Variants in AFF3 observed in about 807,000 individuals in gnomAD.
The protein encoded by AFF3 is ALF transcription elongation factor 3.
Under a neutral mutation model 129.7 loss-of-function variants are expected in AFF3, and 32 were observed. The observed-to-expected ratio is 0.25, with a 90% CI of 0.19 to 0.33. The LOEUF (loss-of-function observed/expected upper bound fraction) is 0.33. Among genes scored for constraint, AFF3 ranks in the 10% least tolerant of loss-of-function variants. The pLI, the probability that AFF3 is intolerant of heterozygous loss-of-function variation, is 1.00. For synonymous variants in AFF3, 644 were observed against 635.4 expected (o/e 1.01, Z -0.20); for missense variants, 1,373 against 1,592.0 (o/e 0.86, Z 2.34).
At chr2:99,623,729 C>T (rs899114152) in intron 13 of AFF3, among the ~76,000 whole-genome samples, 2 of 152,188 alleles carry the variant, frequency 1.3e-5, no homozygotes, top group African/African-American at 4.8e-5. Context: ...GGGCAAAACG[C>T]GGGTGCCATG....
At chr2:99,677,720 G>A (rs751067586) in intron 11 of AFF3, among the ~76,000 whole-genome samples, 9 of 152,174 alleles carry the variant, frequency 5.9e-5, no homozygotes, top group Non-Finnish European at 8.8e-5. Context: ...GCAGTTTGCC[G>A]AGCACTACCC....
intron 13 of AFF3, among the ~76,000 whole-genome samples, chr2:99,609,390 T>C (rs1005850245): frequency 6.6e-6 from 1 of 152,094 alleles, no homozygotes; most frequent in African/African-American, 2.4e-5. Flanking sequence ...CCCTCCCACC[T>C]TTCCCCCAAA....
At position 99,699,373 on chromosome 2, in the gene AFF3, G is replaced by C. The variant is rs567457918; in HGVS notation, c.1092-26784C>G. 4.6e-5 allele frequency among the ~76,000 whole-genome samples: 7 copies of C among 152,142 alleles called. No homozygotes were observed. The East Asian group carries it at 1.4e-3, about 29-fold the overall frequency. On this transcript the variant is annotated intron_variant, in intron 11 of 24. Transcript: ENST00000672756. ...GCAGGACATGAAAATGTAAGAAGAG[G>C]GACCATGCGGTTCACCTAAATGACA...
At chr2:99,811,653 C>A (rs1422972705) in intron 8 of AFF3, among the ~76,000 whole-genome samples, 3 of 152,168 alleles carry the variant, frequency 2.0e-5, no homozygotes, top group African/African-American at 7.2e-5. Flanking sequence ...AGCTGAGGCA[C>A]CAGATTCTCC....
chr2:100,120,058 G>A (rs1691891713), intron 2 of AFF3, among the ~76,000 whole-genome samples: 1 of 152,170 alleles, frequency 6.6e-6, no homozygotes, highest in Admixed American at 6.5e-5. Flanking sequence ...GCAGCAAAGG[G>A]ATATCATCTA....
chr2:99,765,622 T>C (rs1268814893), intron 8 of AFF3, among the ~76,000 whole-genome samples: 1 of 152,240 alleles, frequency 6.6e-6, no homozygotes, highest in East Asian at 1.9e-4. Flanking sequence ...CCTAGCGTAA[T>C]AGCTGGCACA....
At chr2:99,573,583 G>A (rs548941676) in intron 18 of AFF3, among the ~76,000 whole-genome samples, 14 of 152,246 alleles carry the variant, frequency 9.2e-5, no homozygotes, top group South Asian at 8.3e-4. Context: ...TACAATATGC[G>A]AGTATTCCCA....
At chr2:100,065,328 A>C (rs1238879683) in intron 4 of AFF3, among the ~76,000 whole-genome samples, 1 of 152,224 alleles carries the variant, frequency 6.6e-6, no homozygotes, top group Non-Finnish European at 1.5e-5. Context: ...CAATGAAATA[A>C]GGGTTAACAT....
intron 11 of AFF3, among the ~76,000 whole-genome samples, chr2:99,678,054 T>C (rs567192978): frequency 5.9e-5 from 9 of 152,346 alleles, no homozygotes; most frequent in African/African-American, 2.2e-4. Context: ...CCACAGAAGG[T>C]GTACTGTCTC....
rs747049708 is a variant in AFF3 at position 99,578,418 on chromosome 2, G to A, written c.2827C>T (p.Leu943Phe). Reference sequence around the variant, plus strand: ...TTCGTCTGCGGCCGTGACTTGTGGAGGGGAATGTTTTCAGAATTGTTGTGA... The same window carrying A: ...TTCGTCTGCGGCCGTGACTTGTGGAAGGGAATGTTTTCAGAATTGTTGTGA... ...AAHNNSENIP[L>F]HKSRPQTKPW... Residue 943 changes from leucine to phenylalanine, a missense_variant, in exon 18 of 25, where the codon CTC becomes TTC. Physicochemically the swap from Leu to Phe is conservative, Grantham distance 22. Around this residue, in one of 9 missense-constraint regions of AFF3, gnomAD observed 466 missense variants for 505.0 expected, o/e 0.92. Transcript: ENST00000672756. The A allele has an allele frequency of 5.1e-5, 82 of 1,611,376 alleles. No individual in the cohort carries two copies. Among genetic ancestry groups the A allele is most frequent in the Non-Finnish European group, 6.5e-5 (77 of 1,179,110 alleles).
intron 8 of AFF3, among the ~76,000 whole-genome samples, chr2:99,802,854 T>C (rs546942649): frequency 2.5e-4 from 38 of 152,236 alleles, no homozygotes; most frequent in African/African-American, 9.1e-4. Context: ...TAGAGGTCTT[T>C]TGGTGGAGTC....
intron 13 of AFF3, among the ~76,000 whole-genome samples, chr2:99,646,544 A>G (rs1024984126): frequency 5.9e-5 from 9 of 152,204 alleles, no homozygotes; most frequent in African/African-American, 2.2e-4. Flanking sequence ...TGTGTAAATG[A>G]ATGTATAATA....
chr2:99,654,068 C>T lies in AFF3; in HGVS notation c.1144-4402G>A, dbSNP rs562520220. On this transcript the variant is annotated intron_variant, in intron 12 of 24. Coordinates refer to ENST00000672756, the MANE Select transcript of AFF3 (RefSeq NM_001386135.1). ...CTAATTTTTTTGTATTTAGTAGAGACGGGGTTTCACTGTGTTAGTCAGGCT... is the reference window on the plus strand; with the variant it reads ...CTAATTTTTTTGTATTTAGTAGAGATGGGGTTTCACTGTGTTAGTCAGGCT... Among the ~76,000 whole-genome samples the T allele has an allele frequency of 5.5e-4, 84 of 152,134 alleles. 1 individual carries two copies. The highest frequency in any genetic ancestry group is 6.8e-3 in the Middle Eastern group (2 of 294).
chr2:99,657,583 C>A (rs6749801), intron 12 of AFF3, among the ~76,000 whole-genome samples: 12,547 of 152,228 alleles, frequency 0.082, 1,697 homozygotes, highest in African/African-American at 0.28. Flanking sequence ...TTGCCACGAT[C>A]TCCAATCTAA....
intron 11 of AFF3, among the ~76,000 whole-genome samples, chr2:99,691,825 G>A: frequency 6.6e-6 from 1 of 152,154 alleles, no homozygotes; most frequent in East Asian, 1.9e-4. Flanking sequence ...TAGGTCAGGA[G>A]GAAGACGAAC....
chr2:100,135,519 C>A (rs1000953176), intron 1 of AFF3, among the ~76,000 whole-genome samples: 1 of 152,104 alleles, frequency 6.6e-6, no homozygotes, highest in Non-Finnish European at 1.5e-5. Flanking sequence ...GAATGAGATG[C>A]CACATGAAGA....
chr2:99,813,786 C>T (rs769596884), intron 8 of AFF3, among the ~76,000 whole-genome samples: 1 of 152,088 alleles, frequency 6.6e-6, no homozygotes, highest in Non-Finnish European at 1.5e-5. Flanking sequence ...TTATTTGTAA[C>T]CTAGATGGTA....
intron 15 of AFF3, among the ~76,000 whole-genome samples, chr2:99,588,818 C>T (rs763111726): frequency 6.6e-6 from 1 of 152,200 alleles, no homozygotes; most frequent in Non-Finnish European, 1.5e-5. Context: ...GTCCCATCTC[C>T]AGCACCCAGT....
chr2:99,603,579 T>A (rs1680048894), intron 13 of AFF3, among the ~76,000 whole-genome samples: 1 of 152,166 alleles, frequency 6.6e-6, no homozygotes, highest in African/African-American at 2.4e-5. Flanking sequence ...GGGCAAAGAT[T>A]TCACGACAAA....
Sources: gnomAD v4.1 joint callset for allele counts (sites outside exome capture counted in the v4.1 genomes callset) on GRCh38, gnomAD v4.1.1 for gene constraint, gnomAD v4.1.1 regional missense constraint, MANE v1.5 for transcripts, NCBI Gene and HGNC (gene_info 2026-07-23, HGNC 2026-07-21) for gene names.